Variants in POU3F3 observed in about 807,000 individuals in gnomAD.
POU3F3 encodes the protein POU domain, class 3, transcription factor 3.
Under a neutral mutation model 8.6 loss-of-function variants are expected in POU3F3, and 1 was observed. The ratio of observed to expected loss-of-function variants is 0.12; its 90% CI spans 0.04 to 0.55. The LOEUF (loss-of-function observed/expected upper bound fraction) is 0.55. POU3F3 is among the 20% of genes least tolerant of loss of function. POU3F3 has a pLI of 0.91. For missense variants in POU3F3, 577 were observed against 690.7 expected, an observed-to-expected ratio of 0.84 and a Z score of 1.84; for synonymous variants, 418 against 327.4, an observed-to-expected ratio of 1.28 and a Z score of -2.99.
At chr2:104,883,967 T>C in the POU3F3 span, among the ~76,000 whole-genome samples, 1 of 152,144 alleles carries the variant, frequency 6.6e-6, no homozygotes, top group Non-Finnish European at 1.5e-5. Flanking sequence ...GGAAAAAGAA[T>C]GTTTCTGCAA....
At chr2:104,872,710 C>G in the POU3F3 span, 20 of 212,574 alleles carry the variant, frequency 9.4e-5, no homozygotes, top group South Asian at 1.4e-3. The surrounding 1 kb of genome is among the most constrained non-coding windows in gnomAD (Gnocchi z 4.6). Flanking sequence ...AAAGGAGAAC[C>G]TACCGCGCGG....
chr2:104,923,574 C>G, the POU3F3 span, among the ~76,000 whole-genome samples: 1 of 151,540 alleles, frequency 6.6e-6, no homozygotes. Flanking sequence ...CATTTTACTA[C>G]AAAAAAATCA....
the POU3F3 span, among the ~76,000 whole-genome samples, chr2:104,906,873 G>A: frequency 2.0e-5 from 3 of 152,040 alleles, no homozygotes; most frequent in Non-Finnish European, 2.9e-5. Flanking sequence ...TGAAATATAC[G>A]TCTATGCATG....
downstream of POU3F3, among the ~76,000 whole-genome samples, chr2:104,858,952 TCCC>T: frequency 6.6e-6 from 1 of 151,744 alleles, no homozygotes; most frequent in African/African-American, 2.4e-5. Flanking sequence ...ATACAGCCCC[TCCC>T]CCCAAGTTCA....
At chr2:104,879,225 G>A in the POU3F3 span, among the ~76,000 whole-genome samples, 1 of 151,816 alleles carries the variant, frequency 6.6e-6, no homozygotes, top group African/African-American at 2.4e-5. Context: ...GATGGAGAGA[G>A]AGAGAGAGAG....
At chr2:104,878,382 G>C in the POU3F3 span, among the ~76,000 whole-genome samples, 1 of 152,142 alleles carries the variant, frequency 6.6e-6, no homozygotes, top group East Asian at 1.9e-4. Flanking sequence ...GAAAGCCTAA[G>C]ATATATCATT....
the POU3F3 span, among the ~76,000 whole-genome samples, chr2:104,897,824 T>TTTCAGTATC: frequency 2.0e-5 from 3 of 152,210 alleles, no homozygotes; most frequent in African/African-American, 7.2e-5. Flanking sequence ...GGATATGACA[T>TTTCAGTATC]TTCAGTATCC....
the POU3F3 span, among the ~76,000 whole-genome samples, chr2:104,864,909 A>C: frequency 6.6e-6 from 1 of 152,248 alleles, no homozygotes; most frequent in Non-Finnish European, 1.5e-5. Flanking sequence ...TGGACTGTTA[A>C]TATCACCCTA....
Position 104,857,099 on chromosome 2 carries a change from CGCCGCCGCCGCCGCCGCT to C in POU3F3, c.*98_*115del, listed in dbSNP as rs950548265. 3.2e-5 allele frequency: 31 copies of C among 977,016 alleles called. No individual in the cohort carries two copies. The Admixed American group carries it at 7.0e-4, about 22-fold the overall frequency. The allele number at this position is 977,016 out of a possible 1,614,324, so 60.5% of individuals were successfully genotyped here. A position where few individuals can be genotyped will look rare whatever the true frequency, so the allele number is the denominator to read the frequency against. The stretch of plus-strand genomic sequence containing the variant: ...CCGCCGCCGCCCCTGCCGCCGCCGC[CGCCGCCGCCGCCGCCGCT>C]GCCGCCGCCGCGCCGACCCTGCACC... On this transcript the variant is annotated 3_prime_UTR_variant, in exon 1 of 1. Transcript: ENST00000361360.
At chr2:104,873,117 G>C in the POU3F3 span, among the ~76,000 whole-genome samples, 1 of 152,202 alleles carries the variant, frequency 6.6e-6, no homozygotes, top group Non-Finnish European at 1.5e-5. Flanking sequence ...CCTTGGAGCG[G>C]CTAAAACCGC....
chr2:104,893,981 T>C, the POU3F3 span, among the ~76,000 whole-genome samples: 1 of 152,096 alleles, frequency 6.6e-6, no homozygotes, highest in African/African-American at 2.4e-5. Context: ...GGCACGGCTA[T>C]GTACACACCA....
chr2:104,915,672 C>T, the POU3F3 span, among the ~76,000 whole-genome samples: 21 of 151,784 alleles, frequency 1.4e-4, no homozygotes, highest in African/African-American at 4.8e-4. Context: ...TAGGGATCCC[C>T]CAAATCCCTC....
chr2:104,856,248 C>T lies in POU3F3; in HGVS notation c.738C>T (p.Gly246=). 1 of 1,284,000 alleles carries T rather than the reference C, an allele frequency of 7.8e-7. No homozygotes were observed. Among genetic ancestry groups the T allele is most frequent in the African/African-American group, 1.6e-5 (1 of 64,082 alleles). The allele number at this position is 1,284,000 out of a possible 1,614,324, so 79.5% of individuals were successfully genotyped here. A position where few individuals can be genotyped will look rare whatever the true frequency, so the allele number is the denominator to read the frequency against. Residue 246 remains glycine, a synonymous_variant, in exon 1 of 1, where the codon GGC becomes GGT. Coordinates refer to ENST00000361360, the MANE Select transcript of POU3F3 (RefSeq NM_006236.3). The part of the protein sequence containing the change: ...APPGPGGGGG[G]AGGGAQSLVH... Reference sequence around the variant, plus strand: ...CGGGGCCCGGCGGCGGCGGCGGCGGCGCGGGCGGTGGAGCCCAGAGCTTGG... The same window carrying T: ...CGGGGCCCGGCGGCGGCGGCGGCGGTGCGGGCGGTGGAGCCCAGAGCTTGG...
chr2:104,895,321 G>T, the POU3F3 span, among the ~76,000 whole-genome samples: 1 of 152,128 alleles, frequency 6.6e-6, no homozygotes, highest in Non-Finnish European at 1.5e-5. Flanking sequence ...ATACAAGCAG[G>T]CGCTATGACT....
At chr2:104,913,956 T>G in the POU3F3 span, among the ~76,000 whole-genome samples, 2 of 152,246 alleles carry the variant, frequency 1.3e-5, no homozygotes, top group Middle Eastern at 3.2e-3. Flanking sequence ...GTCCAGTTTT[T>G]GGATCTGGGA....
At chr2:104,870,029 C>G in the POU3F3 span, 1 of 152,248 alleles carries the variant, frequency 6.6e-6, no homozygotes, top group African/African-American at 2.4e-5. Flanking sequence ...TGTCCACTTA[C>G]AGAAAGTGAC....
In POU3F3 at chr2:104,856,785, C is replaced by T. The variant is rs377188135; in HGVS notation, c.1275C>T (p.Phe425=). The change falls in exon 1 of 1, where the codon TTC becomes TTT. Residue 425 remains phenylalanine (F), a synonymous_variant. Transcript: ENST00000361360. ...TCAAGGGCGCGCTGGAGAGCCACTT[C>T]CTCAAGTGCCCCAAGCCCTCCGCGC... ...VSVKGALESH[F]LKCPKPSAQE... The T allele has an allele frequency of 6.2e-6, 10 of 1,614,004 alleles. No homozygotes were observed. Among genetic ancestry groups the T allele is most frequent in the Middle Eastern group, 1.6e-4 (1 of 6,084 alleles).
Position 104,856,239 on chromosome 2 carries a change from C to T in POU3F3, c.729C>T (p.Gly243=). ...MLSAPPGPGG[G]GGGAGGGAQS... ...GCGCGCCACCGGGGCCCGGCGGCGG[C>T]GGCGGCGGCGCGGGCGGTGGAGCCC... The change falls in exon 1 of 1, where the codon GGC becomes GGT. Residue 243 remains glycine, a synonymous_variant. Transcript: ENST00000361360. The T allele has an allele frequency of 1.6e-6, 2 of 1,276,950 alleles. No homozygotes were observed. Among genetic ancestry groups the T allele is most frequent in the South Asian group, 2.9e-5 (1 of 34,126 alleles). The allele number at this position is 1,276,950 out of a possible 1,614,324, so 79.1% of individuals were successfully genotyped here.
At chr2:104,885,858 C>T in the POU3F3 span, among the ~76,000 whole-genome samples, 47 of 151,980 alleles carry the variant, frequency 3.1e-4, 1 homozygote, top group East Asian at 7.0e-3. Context: ...AGTGTGATGG[C>T]GTAATCTCGG....
Sources: allele counts gnomAD v4.1 joint callset (sites outside exome capture counted in the v4.1 genomes callset), GRCh38; gene constraint gnomAD v4.1.1; non-coding constraint Gnocchi (gnomAD v3.1); transcripts MANE v1.5; gene names NCBI Gene and HGNC (gene_info 2026-07-23, HGNC 2026-07-21).